SEMA5A: variants seen among roughly 807,000 people sequenced by gnomAD.
SEMA5A encodes semaphorin 5A.
SEMA5A carries 55 observed loss-of-function variants against 135.5 expected under a neutral mutation model. That is an observed-to-expected ratio of 0.41 (90% confidence interval 0.33 to 0.51). SEMA5A has a LOEUF of 0.51. Ranked by LOEUF, SEMA5A falls within the 20% of genes least tolerant of loss-of-function variation. The pLI is 0.37. For synonymous variants in SEMA5A, 580 were observed against 546.5 expected, an observed-to-expected ratio of 1.06 and a Z score of -0.85; for missense variants, 1,290 against 1,419.9, an observed-to-expected ratio of 0.91 and a Z score of 1.47.
intron 14 of SEMA5A, among the ~76,000 whole-genome samples, chr5:9,119,810 GAC>G (rs1485770948): frequency 2.6e-5 from 4 of 152,094 alleles, no homozygotes; most frequent in African/African-American, 9.7e-5. Flanking sequence ...TTCACAGATT[GAC>G]AGAGACATAA....
chr5:9,121,213 C>A (rs1002120390), intron 14 of SEMA5A, among the ~76,000 whole-genome samples: 1 of 152,140 alleles, frequency 6.6e-6, no homozygotes, highest in African/African-American at 2.4e-5. Flanking sequence ...CAGCTTTACA[C>A]GTATATGTCT....
intron 2 of SEMA5A, among the ~76,000 whole-genome samples, chr5:9,428,603 C>T (rs796360896): frequency 3.3e-5 from 5 of 152,300 alleles, no homozygotes; most frequent in African/African-American, 1.2e-4. Flanking sequence ...ACAGTCTTTC[C>T]TGTCTTTGGT....
At chr5:9,331,275 T>C (rs1043970178) in intron 4 of SEMA5A, among the ~76,000 whole-genome samples, 1 of 152,182 alleles carries the variant, frequency 6.6e-6, no homozygotes, top group African/African-American at 2.4e-5. Flanking sequence ...AAAATAAATT[T>C]TATGTGAATT....
intron 8 of SEMA5A, among the ~76,000 whole-genome samples, chr5:9,218,411 A>G (rs1269464513): frequency 1.3e-5 from 2 of 152,154 alleles, no homozygotes; most frequent in African/African-American, 4.8e-5. Context: ...GTATATGAGC[A>G]CGCAGTAAAA....
intron 3 of SEMA5A, among the ~76,000 whole-genome samples, chr5:9,379,027 A>G (rs1755481271): frequency 6.6e-6 from 1 of 152,146 alleles, no homozygotes; most frequent in Non-Finnish European, 1.5e-5. Context: ...CCATGAATTG[A>G]TAAGTGTGGG....
intron 11 of SEMA5A, among the ~76,000 whole-genome samples, chr5:9,156,814 C>A (rs924386387): frequency 1.3e-5 from 2 of 152,212 alleles, no homozygotes; most frequent in Non-Finnish European, 2.9e-5. Context: ...GATTATGATT[C>A]TGAGAAACCT....
chr5:9,283,869 T>C (rs187099778), intron 5 of SEMA5A, among the ~76,000 whole-genome samples: 62 of 152,284 alleles, frequency 4.1e-4, no homozygotes, highest in African/African-American at 1.5e-3. Flanking sequence ...CTCCAGTGAC[T>C]GTTCCCAAAC....
intron 18 of SEMA5A, among the ~76,000 whole-genome samples, chr5:9,062,545 A>G (rs754790365): frequency 5.3e-5 from 8 of 152,142 alleles, no homozygotes; most frequent in Non-Finnish European, 8.8e-5. Context: ...GGCTCACTGT[A>G]GTCTTGATCT....
chr5:9,236,338 T>G lies in SEMA5A; in HGVS notation c.333+1490A>C, dbSNP rs73046680. Among the ~76,000 whole-genome samples the G allele has an allele frequency of 6.7e-3, 1,013 of 152,220 alleles. 6 individuals are homozygous for G. Among genetic ancestry groups the G allele is most frequent in the African/African-American group, 0.023 (975 of 41,546 alleles). ...AGAAAGCCATCTTTCCACCCCTCAC[T>G]TCATGTAAGTCTGACTCCAGGTCCC... On this transcript the variant is annotated intron_variant, in intron 6 of 22. Coordinates refer to ENST00000382496, the MANE Select transcript of SEMA5A (RefSeq NM_003966.3).
At chr5:9,272,635 C>A (rs1579761351) in intron 5 of SEMA5A, among the ~76,000 whole-genome samples, 1 of 152,144 alleles carries the variant, frequency 6.6e-6, no homozygotes, top group South Asian at 2.1e-4. Context: ...CTGGTGGGTG[C>A]CCCTGTGGGA....
chr5:9,190,525 C>T (rs940999145), intron 10 of SEMA5A, 54 bp from the exon 11 acceptor site: 271 of 1,558,352 alleles, frequency 1.7e-4, no homozygotes, highest in Admixed American at 3.7e-4. Context: ...ACACCCACAG[C>T]TGGCTGTGGC....
intron 17 of SEMA5A, among the ~76,000 whole-genome samples, chr5:9,064,813 T>C (rs1318397559): frequency 6.6e-6 from 1 of 152,200 alleles, no homozygotes; most frequent in Non-Finnish European, 1.5e-5. Context: ...TGAAAAGGAT[T>C]CATGGGATAT....
At chr5:9,461,061 C>A (rs1025782804) in intron 1 of SEMA5A, among the ~76,000 whole-genome samples, 1 of 152,180 alleles carries the variant, frequency 6.6e-6, no homozygotes, top group Non-Finnish European at 1.5e-5. Flanking sequence ...TATAGACAGG[C>A]TCACTGTAAT....
intron 1 of SEMA5A, among the ~76,000 whole-genome samples, chr5:9,514,909 C>T (rs1266659852): frequency 6.6e-6 from 1 of 152,196 alleles, no homozygotes; most frequent in East Asian, 1.9e-4. Context: ...GCATCATTAA[C>T]CTTATGGATA....
rs1288179700 is a variant in SEMA5A, at chr5:9,271,704, A to T, written c.271-33814T>A. Among the ~76,000 whole-genome samples, 2 of 152,190 alleles carry T rather than the reference A, an allele frequency of 1.3e-5. 1 individual carries two copies. Among genetic ancestry groups the T allele is most frequent in the Non-Finnish European group, 2.9e-5 (2 of 68,034 alleles). On this transcript the variant is annotated intron_variant, in intron 5 of 22. Transcript: ENST00000382496. ...TGCATCTCATTGGGACTTGTTGGAC[A>T]GTGGGTGCAACCCAAGGAGGGCAAG...
At chr5:9,245,987 TAGAG>T (rs1610875) in intron 5 of SEMA5A, among the ~76,000 whole-genome samples, 11,563 of 151,940 alleles carry the variant, frequency 0.076, 565 homozygotes, top group East Asian at 0.22. Context: ...AGAAGAACAT[TAGAG>T]AGAGAGAAGA....
chr5:9,400,501 A>ATTTTTTTTTTTTTTTTTTTTT (rs1215358817), intron 2 of SEMA5A, among the ~76,000 whole-genome samples: 3 of 87,020 alleles, frequency 3.4e-5, no homozygotes, highest in Admixed American at 1.4e-4. Flanking sequence ...CACAATGTAC[A>ATTTTTTTTTTTTTTTTTTTTT]TTTTTTTTTT....
intron 1 of SEMA5A, among the ~76,000 whole-genome samples, chr5:9,521,279 G>A (rs894847337): frequency 6.6e-5 from 10 of 152,104 alleles, no homozygotes; most frequent in African/African-American, 1.9e-4. Context: ...GCGTGGTGGC[G>A]CACGCCTGCA....
At chr5:9,060,168 A>G (rs1737107374) in intron 18 of SEMA5A, among the ~76,000 whole-genome samples, 1 of 152,230 alleles carries the variant, frequency 6.6e-6, no homozygotes, top group Non-Finnish European at 1.5e-5. Flanking sequence ...GCCACTCTGA[A>G]TAACTCCACA....
Sources: allele counts gnomAD v4.1 joint callset (sites outside exome capture counted in the v4.1 genomes callset), GRCh38; gene constraint gnomAD v4.1.1; transcripts MANE v1.5; gene names NCBI Gene and HGNC (gene_info 2026-07-23, HGNC 2026-07-21).